CD44: variants seen among roughly 807,000 people sequenced by gnomAD.
CD44 encodes the protein CD44 molecule (IN blood group), also known as CD44 antigen.
A neutral mutation model predicts 88.8 loss-of-function variants in CD44; 49 were observed. The ratio of observed to expected loss-of-function variants is 0.55; its 90% CI spans 0.44 to 0.70. The LOEUF is 0.70. Among genes scored for constraint, CD44 ranks in the 30% least tolerant of loss-of-function variants. CD44 has a pLI of 0.00. For missense variants in CD44, 883 were observed against 913.8 expected, an observed-to-expected ratio of 0.97 and a Z score of 0.43; for synonymous variants, 325 against 312.3, an observed-to-expected ratio of 1.04 and a Z score of -0.43.
At chr11:35,191,591 G>A (rs528402066) in intron 5 of CD44, among the ~76,000 whole-genome samples, 6 of 152,170 alleles carry the variant, frequency 3.9e-5, no homozygotes, top group Non-Finnish European at 8.8e-5. Context: ...CAATTTTGTC[G>A]GATGTTAGCG....
chr11:35,200,527 T>C (rs1382777067), intron 7 of CD44: 2 of 154,396 alleles, frequency 1.3e-5, no homozygotes, highest in Middle Eastern at 3.4e-3. Flanking sequence ...CTAAAACATA[T>C]GGCTATTCTA....
At chr11:35,156,956 C>T (rs1941946391) in intron 1 of CD44, among the ~76,000 whole-genome samples, 1 of 152,134 alleles carries the variant, frequency 6.6e-6, no homozygotes, top group African/African-American at 2.4e-5. Context: ...AGTGCTTGGG[C>T]CCAGGAGTTT....
chr11:35,171,773 G>A (rs1323444540), intron 1 of CD44, among the ~76,000 whole-genome samples: 1 of 151,978 alleles, frequency 6.6e-6, no homozygotes, highest in Non-Finnish European at 1.5e-5. Flanking sequence ...TCACATCAAT[G>A]CAATCTTTCT....
At chr11:35,221,870 C>T in intron 17 of CD44, 138 bp downstream of exon 17, 1 of 757,880 alleles carries the variant, frequency 1.3e-6, no homozygotes, top group East Asian at 2.5e-5. Context: ...TGCACAATCT[C>T]AGACCCAACC....
chr11:35,209,018 G>C lies in CD44; in HGVS notation c.1516+812G>C, dbSNP rs779247454. Among the ~76,000 whole-genome samples the C allele has an allele frequency of 3.1e-4, 47 of 152,302 alleles. 1 individual carries two copies. The highest frequency in any genetic ancestry group is 4.9e-4 in the Non-Finnish European group (33 of 68,032). The stretch of plus-strand genomic sequence containing the variant: ...TAAGCATCAAAGGAGATGCAAATAA[G>C]CCTATGAATGGTCCTTGCCAAAGAA... On this transcript the variant is annotated intron_variant, in intron 12 of 17. Coordinates refer to ENST00000428726, the MANE Select transcript of CD44 (RefSeq NM_000610.4).
intron 1 of CD44, among the ~76,000 whole-genome samples, chr11:35,140,677 T>C (rs759526525): frequency 3.9e-5 from 6 of 152,064 alleles, no homozygotes; most frequent in Non-Finnish European, 8.8e-5. Flanking sequence ...AGGTGGGGAT[T>C]TGGGGATCTA....
chr11:35,190,764 G>A (rs1411864095), intron 5 of CD44, among the ~76,000 whole-genome samples: 1 of 152,248 alleles, frequency 6.6e-6, no homozygotes, highest in East Asian at 1.9e-4. Flanking sequence ...ATATCTGGAA[G>A]AGTTTTCTGG....
intron 1 of CD44, chr11:35,139,653 A>G (rs1048489184): frequency 5.7e-6 from 4 of 701,144 alleles, no homozygotes; most frequent in African/African-American, 5.2e-5. Context: ...GCTGCAGCAC[A>G]TGGCAGAAAG....
rs11340143 is a variant in CD44 at position 35,198,967 on chromosome 11, C to CAA, written c.922+737_922+738dup. Among the ~76,000 whole-genome samples the CAA allele has an allele frequency of 1.9e-3, 237 of 127,946 alleles. 4 individuals carry two copies. In the East Asian group the frequency reaches 0.026, roughly 14 times the overall value. 83.9% of individuals were successfully genotyped at this position (127,946 alleles called of 152,430 possible). On this transcript the variant is annotated intron_variant, in intron 7 of 17. Coordinates refer to ENST00000428726, the MANE Select transcript of CD44 (RefSeq NM_000610.4). ...TGGGTGACAGAGCCAGACTCCATCT[C>CAA]AAAAAAAAAAAAAAAAAGTTGTGGA...
intron 4 of CD44, among the ~76,000 whole-genome samples, chr11:35,188,665 C>T (rs944111375): frequency 3.9e-5 from 6 of 152,016 alleles, no homozygotes; most frequent in Non-Finnish European, 8.8e-5. Context: ...AGGCTTGCCA[C>T]AGTGGCTCAC....
Position 35,187,017 on chromosome 11 carries a change from A to C in CD44, c.436+117A>C, listed in dbSNP as rs1426397316. On this transcript the variant is annotated intron_variant, in intron 4 of 17. Transcript: ENST00000428726. Reference sequence around the variant, plus strand: ...GCCAGGTGTGGTGGCTCACTCCTGTAATCCCAGCACTTTGGGAGGCTGAGG... The same window carrying C: ...GCCAGGTGTGGTGGCTCACTCCTGTCATCCCAGCACTTTGGGAGGCTGAGG... 4 of 682,598 alleles carry C rather than the reference A, an allele frequency of 5.9e-6. No individual in the cohort carries two copies. The Admixed American group carries it at 8.3e-5, about 14-fold the overall frequency. 42.3% of individuals were successfully genotyped at this position (682,598 alleles called of 1,614,324 possible).
At chr11:35,225,623 CGT>C (rs2134426534) in intron 17 of CD44, among the ~76,000 whole-genome samples, 2 of 152,132 alleles carry the variant, frequency 1.3e-5, no homozygotes, top group South Asian at 4.2e-4. Flanking sequence ...TTGAGACCAG[CGT>C]GGCCAACATG....
intron 7 of CD44, among the ~76,000 whole-genome samples, chr11:35,199,568 T>G (rs1947094566): frequency 6.6e-6 from 1 of 152,140 alleles, no homozygotes; most frequent in Non-Finnish European, 1.5e-5. Context: ...AAAAATAGCT[T>G]AGGCCTTGAA....
chr11:35,214,981 A>C (rs1341243517), intron 15 of CD44, 67 bp downstream of exon 15: 1 of 916,766 alleles, frequency 1.1e-6, no homozygotes, highest in Non-Finnish European at 1.6e-6. Context: ...CTACCAACGA[A>C]GTATGAGTCA....
At chr11:35,191,655 C>T (rs963395342) in intron 5 of CD44, among the ~76,000 whole-genome samples, 1 of 152,164 alleles carries the variant, frequency 6.6e-6, no homozygotes. Flanking sequence ...CCCTAAAGTA[C>T]CACTTCCCAC....
At chr11:35,184,287 C>T (rs746330326) in intron 3 of CD44, among the ~76,000 whole-genome samples, 2 of 152,158 alleles carry the variant, frequency 1.3e-5, no homozygotes, top group Admixed American at 1.3e-4. Flanking sequence ...TGAACAAATG[C>T]TCTAATAATT....
intron 5 of CD44, among the ~76,000 whole-genome samples, chr11:35,195,421 G>A (rs1331897569): frequency 6.6e-6 from 1 of 151,980 alleles, no homozygotes; most frequent in East Asian, 1.9e-4. Flanking sequence ...TGCAGGGGTG[G>A]GGAGGGGGGA....
At chr11:35,215,601 C>T (rs1001964750) in intron 15 of CD44, among the ~76,000 whole-genome samples, 6 of 152,194 alleles carry the variant, frequency 3.9e-5, no homozygotes, top group East Asian at 1.9e-4. Context: ...AGGTCAATAT[C>T]GGCCAGGCAC....
chr11:35,146,456 A>G (rs962790432), intron 1 of CD44, among the ~76,000 whole-genome samples: 4 of 152,148 alleles, frequency 2.6e-5, no homozygotes, highest in Non-Finnish European at 5.9e-5. Context: ...TGTTTCTGAG[A>G]ACCCTCACCA....
Sources: gnomAD v4.1 joint callset for allele counts (sites outside exome capture counted in the v4.1 genomes callset) on GRCh38, gnomAD v4.1.1 for gene constraint, MANE v1.5 for transcripts, NCBI Gene and HGNC (gene_info 2026-07-23, HGNC 2026-07-21) for gene names.